The following SDR16C5 variants were observed in gnomAD, a reference collection of about 807,000 sequenced individuals.
SDR16C5 encodes the protein epidermal retinol dehydrogenase 2.
Under a neutral mutation model 27.7 loss-of-function variants are expected in SDR16C5, and 20 were observed. The ratio of observed to expected loss-of-function variants is 0.72; its 90% CI spans 0.51 to 1.05. SDR16C5 has a LOEUF of 1.05. SDR16C5 is among the 50% of genes least tolerant of loss of function. The pLI is 0.00. For synonymous variants in SDR16C5, 139 were observed against 132.3 expected, an observed-to-expected ratio of 1.05 and a Z score of -0.35; for missense variants, 374 against 366.3, an observed-to-expected ratio of 1.02 and a Z score of -0.17.
intron 1 of SDR16C5, among the ~76,000 whole-genome samples, 181 bp downstream of exon 1, chr8:56,319,878 G>C (rs568020530): frequency 1.3e-5 from 2 of 152,182 alleles, no homozygotes; most frequent in Non-Finnish European, 2.9e-5. Context: ...TCAGCCGTGC[G>C]CTACCCGGTG....
At chr8:56,319,843 A>C (rs1815291606) in intron 1 of SDR16C5, among the ~76,000 whole-genome samples, 1 of 152,076 alleles carries the variant, frequency 6.6e-6, no homozygotes, top group Non-Finnish European at 1.5e-5. Flanking sequence ...AGCCGTAGCC[A>C]CGGGAGCCCG....
At position 56,301,412 on chromosome 8, in the gene SDR16C5, C is replaced by G. The variant is rs368183095; in HGVS notation, c.*68G>C. 2 of 1,103,676 alleles carry G rather than the reference C, an allele frequency of 1.8e-6. No individual in the cohort carries two copies. Among genetic ancestry groups the G allele is most frequent in the Non-Finnish European group, 2.8e-6 (2 of 718,388 alleles). The allele number at this position is 1,103,676 out of a possible 1,614,324, so 68.4% of individuals were successfully genotyped here. ...TATATTCCACTGTCAGACAAAAATA[C>G]TTTTCTTCATTGAAGTACGCATTAT... On this transcript the variant is annotated 3_prime_UTR_variant, in exon 7 of 7. Transcript: ENST00000303749.
At chr8:56,317,810 G>A (rs982205056) in intron 1 of SDR16C5, among the ~76,000 whole-genome samples, 3 of 152,162 alleles carry the variant, frequency 2.0e-5, no homozygotes, top group African/African-American at 7.2e-5. Flanking sequence ...TGGTTAGCTG[G>A]TGAGGGCCAG....
At chr8:56,309,399 T>G (rs1369083678) in intron 3 of SDR16C5, 9 of 985,334 alleles carry the variant, frequency 9.1e-6, no homozygotes, top group Middle Eastern at 1.0e-3. Context: ...TCTGCTTAGC[T>G]TGATTTTGAG....
chr8:56,314,518 T>C (rs542879594), intron 2 of SDR16C5, among the ~76,000 whole-genome samples: 5 of 152,328 alleles, frequency 3.3e-5, no homozygotes, highest in African/African-American at 7.2e-5. Flanking sequence ...CAACCGGTTA[T>C]TGCTTAAGGC....
chr8:56,315,006 A>G (rs1257740215), intron 2 of SDR16C5, among the ~76,000 whole-genome samples: 1 of 152,064 alleles, frequency 6.6e-6, no homozygotes, highest in Non-Finnish European at 1.5e-5. Context: ...GCACTTTGGG[A>G]GGCCAAAGTG....
chr8:56,308,959 T>C lies in SDR16C5; in HGVS notation c.534A>G (p.Ser178=). ...DHGHLVCISS[S]AGLSGVNGLA... is the part of the protein sequence containing the mutation. ...GCCCATTTACTCCACTTAATCCAGC[T>C]GAACTTGAAATGCAAACCAAATGTC... The change falls in exon 4 of 7, where the codon TCA becomes TCG. Residue 178 remains serine, a synonymous_variant. Transcript: ENST00000303749. 3.1e-6 allele frequency: 5 copies of C among 1,613,198 alleles called. No homozygotes were observed. The highest frequency in any genetic ancestry group is 4.2e-6 in the Non-Finnish European group (5 of 1,179,616).
At chr8:56,315,085 A>G (rs891664141) in intron 2 of SDR16C5, among the ~76,000 whole-genome samples, 7 of 152,122 alleles carry the variant, frequency 4.6e-5, no homozygotes, top group African/African-American at 1.7e-4. Flanking sequence ...TCTACTAAAA[A>G]TACAAAACAA....
At chr8:56,313,902 T>C (rs1263742713) in intron 2 of SDR16C5, among the ~76,000 whole-genome samples, 6 of 152,118 alleles carry the variant, frequency 3.9e-5, no homozygotes, top group Non-Finnish European at 1.5e-5. Flanking sequence ...GTCTAAGGGC[T>C]ACTTCTTAAA....
rs1814711050 is a variant in SDR16C5 at position 56,300,033 on chromosome 8, T to C, written c.*1447A>G. The C allele has an allele frequency of 6.6e-6, 1 of 152,210 alleles. No homozygotes were observed. The highest frequency in any genetic ancestry group is 6.5e-5 in the Admixed American group (1 of 15,286). The allele number at this position is 152,210 out of a possible 1,614,324, so 9.4% of individuals were successfully genotyped here. ...CTGTGAAATAAAACGCCTTTATTCT[T>C]TGGCATACACCAAATACCTTCATCA... On this transcript the variant is annotated 3_prime_UTR_variant, in exon 7 of 7. Transcript: ENST00000303749.
At chr8:56,308,824 A>T in intron 4 of SDR16C5, 104 bp downstream of exon 4, 1 of 746,474 alleles carries the variant, frequency 1.3e-6, no homozygotes, top group Admixed American at 2.7e-5. Flanking sequence ...TTAGTTTATT[A>T]TCCTTTATCT....
At chr8:56,309,870 G>A (rs1384943424) in intron 3 of SDR16C5, among the ~76,000 whole-genome samples, 1 of 152,064 alleles carries the variant, frequency 6.6e-6, no homozygotes, top group Non-Finnish European at 1.5e-5. Context: ...TGAGAGCCCA[G>A]CCTTCAGGTA....
intron 2 of SDR16C5, among the ~76,000 whole-genome samples, chr8:56,314,199 C>T (rs1815128472): frequency 2.3e-5 from 1 of 43,626 alleles, no homozygotes; most frequent in African/African-American, 6.4e-5. Flanking sequence ...GAGCAAGACT[C>T]TGTCTCAAAA....
chr8:56,309,094 T>C (rs1320812819), intron 3 of SDR16C5, 67 bp from the exon 4 acceptor site: 12 of 1,218,278 alleles, frequency 9.8e-6, no homozygotes, highest in African/African-American at 1.5e-5. Context: ...GATATTTATA[T>C]ACTCATTGTG....
chr8:56,319,536 G>T (rs1415070021), intron 1 of SDR16C5, among the ~76,000 whole-genome samples: 1 of 152,186 alleles, frequency 6.6e-6, no homozygotes, highest in East Asian at 1.9e-4. Context: ...CTATCTCGCG[G>T]CCTACCCAAT....
intron 3 of SDR16C5, chr8:56,309,513 G>A (rs6986465): frequency 0.58 from 570,612 of 984,150 alleles, 165,904 homozygotes; most frequent in Admixed American, 0.66. Context: ...GTTCCATTTC[G>A]TAAAACAGAA....
At chr8:56,301,632 C>T (rs1023616013) in intron 6 of SDR16C5, 59 bp from the exon 7 acceptor site, 1 of 1,262,964 alleles carries the variant, frequency 7.9e-7, no homozygotes, top group African/African-American at 1.5e-5. Context: ...CTCTTTACCA[C>T]CTCTACTGAA....
chr8:56,312,064 T>C, intron 3 of SDR16C5, 93 bp downstream of exon 3: 1 of 1,110,394 alleles, frequency 9.0e-7, no homozygotes, highest in Non-Finnish European at 1.3e-6. Context: ...TCTGCTTTAC[T>C]TAGAGGCTAA....
rs145256347 is a variant in SDR16C5 at position 56,308,981 on chromosome 8, T to C, written c.512A>G (p.His171Arg). 1.1e-5 allele frequency: 18 copies of C among 1,612,886 alleles called. No individual in the cohort carries two copies. Among genetic ancestry groups the C allele is most frequent in the Non-Finnish European group, 1.5e-5 (18 of 1,179,546 alleles). Residue 171 changes from histidine to arginine, a missense_variant, in exon 4 of 7, where the codon CAT becomes CGT. Physicochemically the swap from His to Arg is conservative, Grantham distance 29. Transcript: ENST00000303749. ...LPAMIANDHG[H>R]LVCISSSAGL... Reference sequence around the variant, plus strand: ...AGCTGAACTTGAAATGCAAACCAAATGTCCATGGTCATTAGCAATCATAGC... The same window carrying C: ...AGCTGAACTTGAAATGCAAACCAAACGTCCATGGTCATTAGCAATCATAGC...
Sources: gnomAD v4.1 joint callset for allele counts (sites outside exome capture counted in the v4.1 genomes callset) on GRCh38, gnomAD v4.1.1 for gene constraint, MANE v1.5 for transcripts, NCBI Gene and HGNC (gene_info 2026-07-23, HGNC 2026-07-21) for gene names.